The following GOLIM4 variants were observed in gnomAD, a reference collection of about 807,000 sequenced individuals.
GOLIM4 encodes the protein 130 kDa golgi-localized phosphoprotein.
Under a neutral mutation model 107.4 loss-of-function variants are expected in GOLIM4, and 71 were observed. That is an observed-to-expected ratio of 0.66 (90% CI 0.55 to 0.81). The LOEUF is 0.81. Among genes scored for constraint, GOLIM4 ranks in the 30% least tolerant of loss-of-function variants. The pLI is 0.00. For missense variants in GOLIM4, 830 were observed against 826.1 expected (o/e 1.00, Z -0.06); for synonymous variants, 327 against 294.8 (o/e 1.11, Z -1.12).
At chr3:168,066,694 A>G (rs1409979957) in intron 1 of GOLIM4, among the ~76,000 whole-genome samples, 1 of 152,152 alleles carries the variant, frequency 6.6e-6, no homozygotes, top group Non-Finnish European at 1.5e-5. Flanking sequence ...TAACTTATAC[A>G]TCCAATTCAC....
At position 168,010,071 on chromosome 3, in the gene GOLIM4, G is replaced by GA; in HGVS notation, c.*197dup. ...TTTTCTTCTTTTTCATGTTTAGCTT[G>GA]AATATAAAAGAAGCTCTAGACCTAC... On this transcript the variant is annotated 3_prime_UTR_variant, in exon 16 of 16. Transcript: ENST00000470487. 2.4e-6 allele frequency: 1 copy of GA among 417,472 alleles called. No homozygotes were observed. Among genetic ancestry groups the GA allele is most frequent in the Admixed American group, 4.2e-5 (1 of 24,008 alleles). 25.9% of individuals were successfully genotyped at this position (417,472 alleles called of 1,614,324 possible).
At chr3:168,076,465 G>T (rs1048215582) in intron 1 of GOLIM4, among the ~76,000 whole-genome samples, 3 of 152,142 alleles carry the variant, frequency 2.0e-5, no homozygotes, top group Non-Finnish European at 4.4e-5. Flanking sequence ...AGGCCAAGGC[G>T]GGAGGATCAC....
intron 14 of GOLIM4, among the ~76,000 whole-genome samples, chr3:168,019,559 C>G (rs1717569373): frequency 6.6e-6 from 1 of 152,138 alleles, no homozygotes; most frequent in Non-Finnish European, 1.5e-5. Context: ...ACATGGGATT[C>G]ACTCCCCTTT....
intron 9 of GOLIM4, among the ~76,000 whole-genome samples, chr3:168,032,249 T>C (rs1577518943): frequency 6.6e-6 from 1 of 152,218 alleles, no homozygotes; most frequent in Non-Finnish European, 1.5e-5. Context: ...ATTAAGGTGA[T>C]GTGAGAATGA....
At chr3:168,064,120 G>C (rs1287404383) in intron 1 of GOLIM4, among the ~76,000 whole-genome samples, 1 of 152,204 alleles carries the variant, frequency 6.6e-6, no homozygotes. Flanking sequence ...TCCCCAGGCA[G>C]TGTGGATGTC....
At chr3:168,051,012 G>A (rs903674822) in intron 1 of GOLIM4, among the ~76,000 whole-genome samples, 1 of 152,046 alleles carries the variant, frequency 6.6e-6, no homozygotes, top group African/African-American at 2.4e-5. Context: ...TTACAATCTG[G>A]TGGAATTGCT....
Position 168,016,032 on chromosome 3 carries a change from T to C in GOLIM4, c.1861-5209A>G, listed in dbSNP as rs543004963. Among the ~76,000 whole-genome samples the C allele has an allele frequency of 1.7e-3, 224 of 133,374 alleles. 11 individuals carry two copies. The East Asian group carries it at 0.018, about 11-fold the overall frequency. The allele number at this position is 133,374 out of a possible 152,430, so 87.5% of individuals were successfully genotyped here. A position where few individuals can be genotyped will look rare whatever the true frequency, so the allele number is the denominator to read the frequency against. On this transcript the variant is annotated intron_variant, in intron 14 of 15. Coordinates refer to ENST00000470487, the MANE Select transcript of GOLIM4 (RefSeq NM_014498.5). ...AAAGCAATGGCAACAAAAGACAAAA[T>C]TGACAAATGGGATCTAATTAAACTA...
chr3:168,087,788 C>T (rs1052601335), intron 1 of GOLIM4, among the ~76,000 whole-genome samples: 1 of 152,134 alleles, frequency 6.6e-6, no homozygotes, highest in Admixed American at 6.5e-5. Flanking sequence ...CCTCTCTAAG[C>T]CTCAGATTGC....
intron 12 of GOLIM4, among the ~76,000 whole-genome samples, chr3:168,027,022 A>G (rs1484158370): frequency 6.6e-6 from 1 of 152,226 alleles, no homozygotes; most frequent in Non-Finnish European, 1.5e-5. Context: ...AAAATCATCT[A>G]CGCATACACG....
rs1261986763 is a variant in GOLIM4, at chr3:168,009,009, A to G, written c.*1260T>C. ...TACGTTCATACAATGGTAGAAAATG[A>G]AATGTTTTTATTAATTTGATTATTA... is the stretch of plus-strand genomic sequence containing the variant. On this transcript the variant is annotated 3_prime_UTR_variant, in exon 16 of 16. Coordinates refer to ENST00000470487, the MANE Select transcript of GOLIM4 (RefSeq NM_014498.5). 6.6e-6 allele frequency: 1 copy of G among 152,096 alleles called. No homozygotes were observed. Among genetic ancestry groups the G allele is most frequent in the African/African-American group, 2.4e-5 (1 of 41,432 alleles). 9.4% of individuals were successfully genotyped at this position (152,096 alleles called of 1,614,324 possible).
Position 168,012,083 on chromosome 3 carries a change from A to C in GOLIM4, c.1861-1260T>G, listed in dbSNP as rs1269132105. 1.7e-4 allele frequency among the ~76,000 whole-genome samples: 21 copies of C among 126,686 alleles called. 1 individual carries two copies. Among genetic ancestry groups the C allele is most frequent in the Non-Finnish European group, 2.4e-4 (16 of 66,106 alleles). 83.1% of individuals were successfully genotyped at this position (126,686 alleles called of 152,430 possible). A position where few individuals can be genotyped will look rare whatever the true frequency, so the allele number is the denominator to read the frequency against. ...CTGAGAGAAGGCTTCAGACGATCAA[A>C]TTACTCTGAGCTACGGGAGGACATT... On this transcript the variant is annotated intron_variant, in intron 14 of 15. Transcript: ENST00000470487.
intron 1 of GOLIM4, among the ~76,000 whole-genome samples, chr3:168,060,948 T>C (rs567498545): frequency 6.7e-6 from 1 of 148,204 alleles, no homozygotes; most frequent in South Asian, 2.1e-4. Context: ...ACTTTGTATG[T>C]GTAGAAGATA....
chr3:168,063,091 C>T (rs1040494207), intron 1 of GOLIM4, among the ~76,000 whole-genome samples: 2 of 152,176 alleles, frequency 1.3e-5, no homozygotes, highest in African/African-American at 4.8e-5. Context: ...CACAAGTTCT[C>T]CTCCAAAATA....
chr3:168,016,240 C>T (rs1409532190), intron 14 of GOLIM4, among the ~76,000 whole-genome samples: 1 of 134,274 alleles, frequency 7.4e-6, no homozygotes, highest in Admixed American at 7.0e-5. Flanking sequence ...AGGACATGAA[C>T]AGACACTTCT....
intron 1 of GOLIM4, among the ~76,000 whole-genome samples, chr3:168,094,293 A>G (rs1333431348): frequency 1.3e-5 from 2 of 152,246 alleles, no homozygotes; most frequent in African/African-American, 4.8e-5. Context: ...GTTCTTCTAC[A>G]GGTCTTGCTC....
chr3:168,093,078 T>TACC, intron 1 of GOLIM4, among the ~76,000 whole-genome samples: 1 of 152,200 alleles, frequency 6.6e-6, no homozygotes, highest in East Asian at 1.9e-4. Flanking sequence ...TCTTCCCCAC[T>TACC]ACCACCACCA....
chr3:168,052,682 T>A (rs900823167), intron 1 of GOLIM4, among the ~76,000 whole-genome samples: 1 of 152,148 alleles, frequency 6.6e-6, no homozygotes, highest in African/African-American at 2.4e-5. Context: ...CCATGCATTC[T>A]CCAGGCTTTT....
chr3:168,073,886 G>T (rs73037497), intron 1 of GOLIM4, among the ~76,000 whole-genome samples: 2 of 152,136 alleles, frequency 1.3e-5, no homozygotes, highest in Non-Finnish European at 2.9e-5. Flanking sequence ...GTGACCTCTA[G>T]CACCTGGTAC....
At position 168,027,929 on chromosome 3, in the gene GOLIM4, C is replaced by T. The variant is rs1718098203; in HGVS notation, c.1514-92G>A. On this transcript the variant is annotated intron_variant, in intron 11 of 15. Coordinates refer to ENST00000470487, the MANE Select transcript of GOLIM4 (RefSeq NM_014498.5). Reference sequence around the variant, plus strand: ...GAAAAGCCACCAGTGGACTTTTCTACAGACTACAATACCTCCACCTCTGTT... The same window carrying T: ...GAAAAGCCACCAGTGGACTTTTCTATAGACTACAATACCTCCACCTCTGTT... 3 of 781,168 alleles carry T rather than the reference C, an allele frequency of 3.8e-6. No homozygotes were observed. In the South Asian group the frequency reaches 4.4e-5, roughly 11 times the overall value. The allele number at this position is 781,168 out of a possible 1,614,324, so 48.4% of individuals were successfully genotyped here. A position where few individuals can be genotyped will look rare whatever the true frequency, so the allele number is the denominator to read the frequency against.
Sources: allele counts gnomAD v4.1 joint callset (sites outside exome capture counted in the v4.1 genomes callset), GRCh38; gene constraint gnomAD v4.1.1; transcripts MANE v1.5; gene names NCBI Gene and HGNC (gene_info 2026-07-23, HGNC 2026-07-21).